Variants in INPP4B observed in about 807,000 individuals in gnomAD.
The protein encoded by INPP4B is inositol polyphosphate-4-phosphatase type II B.
In INPP4B, 55 loss-of-function variants were observed where a neutral mutation model predicts 122.5. The ratio of observed to expected loss-of-function variants is 0.45; its 90% CI spans 0.36 to 0.56. The LOEUF (loss-of-function observed/expected upper bound fraction) is 0.56. INPP4B is among the 20% of genes least tolerant of loss of function. The probability of loss-of-function intolerance (pLI) is 0.00; values close to 1 mark genes in which losing one functional copy is unlikely to be tolerated. For synonymous variants in INPP4B, 403 were observed against 388.7 expected (o/e 1.04, Z -0.43); for missense variants, 1,000 against 1,097.7 (o/e 0.91, Z 1.26).
chr4:142,761,830 TAAGAC>T (rs1173575259), intron 1 of INPP4B, among the ~76,000 whole-genome samples: 6 of 152,258 alleles, frequency 3.9e-5, no homozygotes, highest in Admixed American at 2.6e-4. Flanking sequence ...TTCAGACACT[TAAGAC>T]AAGATAACAT....
At position 142,746,275 on chromosome 4, in the gene INPP4B, G is replaced by T. The variant is rs1458415077; in HGVS notation, c.-253-20374C>A. Among the ~76,000 whole-genome samples, 5 of 152,096 alleles carry T rather than the reference G, an allele frequency of 3.3e-5. No individual in the cohort carries two copies. In the South Asian group the frequency reaches 6.2e-4, roughly 19 times the overall value. On this transcript the variant is annotated intron_variant, in intron 1 of 25. Coordinates refer to ENST00000262992, the MANE Select transcript of INPP4B (RefSeq NM_001101669.3). ...CATGAGTGAACTCCCATTCACAATT[G>T]CTACAAACAGAATAACATACCTAGG...
At chr4:142,842,090 A>C (rs1783566843) in intron 1 of INPP4B, among the ~76,000 whole-genome samples, 1 of 151,798 alleles carries the variant, frequency 6.6e-6, no homozygotes, top group South Asian at 2.1e-4. Flanking sequence ...TTCCCAAAGA[A>C]ATGTATAACC....
intron 5 of INPP4B, among the ~76,000 whole-genome samples, chr4:142,415,838 T>C (rs1805616941): frequency 6.6e-6 from 1 of 151,918 alleles, no homozygotes; most frequent in Admixed American, 6.6e-5. Context: ...AAATGATGAG[T>C]TCATGTCCTT....
At chr4:142,782,871 A>G (rs568534728) in intron 1 of INPP4B, among the ~76,000 whole-genome samples, 4 of 152,306 alleles carry the variant, frequency 2.6e-5, no homozygotes, top group African/African-American at 9.6e-5. Flanking sequence ...CATATCTACA[A>G]CTATTGATCT....
intron 25 of INPP4B, among the ~76,000 whole-genome samples, chr4:142,065,257 ACACAC>A: frequency 6.6e-6 from 1 of 152,038 alleles, no homozygotes; most frequent in Non-Finnish European, 1.5e-5. Flanking sequence ...ACACACACAC[ACACAC>A]ACATACATAG....
At chr4:142,487,681 C>T (rs1026182688) in intron 2 of INPP4B, among the ~76,000 whole-genome samples, 5 of 151,944 alleles carry the variant, frequency 3.3e-5, no homozygotes, top group Non-Finnish European at 7.4e-5. Flanking sequence ...GAGTATTTTA[C>T]GTTTGGGGGA....
At chr4:142,325,079 C>G (rs755637409) in intron 7 of INPP4B, among the ~76,000 whole-genome samples, 1 of 152,140 alleles carries the variant, frequency 6.6e-6, no homozygotes, top group Non-Finnish European at 1.5e-5. Flanking sequence ...AATTTGGTCT[C>G]TCTAGTTATT....
At chr4:142,644,720 G>A (rs1751335330) in intron 2 of INPP4B, among the ~76,000 whole-genome samples, 1 of 133,964 alleles carries the variant, frequency 7.5e-6, no homozygotes, top group Non-Finnish European at 1.5e-5. Flanking sequence ...TGGCCAACAT[G>A]GCAAAACCCC....
intron 2 of INPP4B, among the ~76,000 whole-genome samples, chr4:142,564,358 G>T (rs1560806034): frequency 6.8e-6 from 1 of 146,634 alleles, no homozygotes; most frequent in East Asian, 2.3e-4. Context: ...AATGATAAAG[G>T]TATAAAGAAG....
At chr4:142,592,859 G>A (rs1340814319) in intron 2 of INPP4B, among the ~76,000 whole-genome samples, 1 of 152,128 alleles carries the variant, frequency 6.6e-6, no homozygotes, top group African/African-American at 2.4e-5. Context: ...CCAGCACTTT[G>A]GGAGGCTGAG....
intron 2 of INPP4B, among the ~76,000 whole-genome samples, chr4:142,513,808 T>A (rs111527964): frequency 6.6e-6 from 1 of 152,110 alleles, no homozygotes; most frequent in Non-Finnish European, 1.5e-5. Context: ...TACCATCACA[T>A]TGGGGATTAG....
At chr4:142,477,967 T>C (rs1820008791) in intron 2 of INPP4B, among the ~76,000 whole-genome samples, 1 of 152,138 alleles carries the variant, frequency 6.6e-6, no homozygotes, top group African/African-American at 2.4e-5. Flanking sequence ...CACACCTAGC[T>C]AATATTTGTA....
chr4:142,150,201 A>G (rs77390545), intron 17 of INPP4B, among the ~76,000 whole-genome samples: 1 of 152,188 alleles, frequency 6.6e-6, no homozygotes, highest in Non-Finnish European at 1.5e-5. Flanking sequence ...TTTCTTCTCT[A>G]CTAAAATCAC....
chr4:142,453,578 T>A (rs1814759949), intron 3 of INPP4B, among the ~76,000 whole-genome samples: 2 of 152,166 alleles, frequency 1.3e-5, no homozygotes, highest in Non-Finnish European at 1.5e-5. Flanking sequence ...TCACTTTAGC[T>A]CTCCAGAGAA....
At chr4:142,779,113 T>C (rs1774383444) in intron 1 of INPP4B, among the ~76,000 whole-genome samples, 1 of 152,044 alleles carries the variant, frequency 6.6e-6, no homozygotes, top group Admixed American at 6.6e-5. Flanking sequence ...GACTCACTCC[T>C]ACAACCCCGT....
In INPP4B at chr4:142,224,866, G is replaced by A. The variant is rs559133223; in HGVS notation, c.836+12998C>T. On this transcript the variant is annotated intron_variant, in intron 12 of 25. Transcript: ENST00000262992. The stretch of plus-strand genomic sequence containing the variant: ...CAAACTGTGATATCCAAGATAAGGC[G>A]CGTGTATTCTCTCAAAGAACTGGCC... Among the ~76,000 whole-genome samples the A allele has an allele frequency of 6.6e-5, 10 of 152,050 alleles. No homozygotes were observed. The South Asian group carries it at 1.2e-3, about 19-fold the overall frequency.
intron 1 of INPP4B, among the ~76,000 whole-genome samples, chr4:142,752,683 G>C (rs949318535): frequency 6.6e-6 from 1 of 152,022 alleles, no homozygotes; most frequent in Admixed American, 6.6e-5. Flanking sequence ...CAGATCCTCT[G>C]TAATTCTTCA....
intron 15 of INPP4B, among the ~76,000 whole-genome samples, chr4:142,190,902 G>T (rs1835507831): frequency 6.6e-6 from 1 of 151,908 alleles, no homozygotes; most frequent in South Asian, 2.1e-4. Flanking sequence ...AAAATTAGAG[G>T]GTTAGGTTCC....
At chr4:142,676,876 A>C (rs1335687079) in intron 2 of INPP4B, among the ~76,000 whole-genome samples, 3 of 150,802 alleles carry the variant, frequency 2.0e-5, no homozygotes, top group Non-Finnish European at 3.0e-5. Context: ...AAGACCTAAA[A>C]CCATAAAAAA....
Sources: gnomAD v4.1 joint callset for allele counts (sites outside exome capture counted in the v4.1 genomes callset) on GRCh38, gnomAD v4.1.1 for gene constraint, MANE v1.5 for transcripts, NCBI Gene and HGNC (gene_info 2026-07-23, HGNC 2026-07-21) for gene names.